ADGRG5: variants seen among roughly 807,000 people sequenced by gnomAD.
The protein encoded by ADGRG5 is G protein-coupled receptor 114.
In ADGRG5, 37 loss-of-function variants were observed where a neutral mutation model predicts 53.2. The observed-to-expected ratio is 0.70, with a 90% CI of 0.53 to 0.91. The LOEUF (loss-of-function observed/expected upper bound fraction) is 0.91. Ranked by LOEUF, ADGRG5 falls within the 40% of genes least tolerant of loss-of-function variation. ADGRG5 has a pLI of 0.00. For missense variants in ADGRG5, 614 were observed against 675.8 expected (o/e 0.91, Z 1.01); for synonymous variants, 277 against 290.4 (o/e 0.95, Z 0.47).
At chr16:57,568,321 G>GTCACCTCCTCCACCATCATTA (rs2033204211) in intron 9 of ADGRG5, among the ~76,000 whole-genome samples, 197 bp downstream of exon 9, 2 of 149,966 alleles carry the variant, frequency 1.3e-5, no homozygotes, top group South Asian at 4.2e-4. Context: ...CATCATCATC[G>GTCACCTCCTCCACCATCATTA]TCACCTCCTC....
chr16:57,529,229 G>A, the ADGRG5 span: 1 of 1,145,094 alleles, frequency 8.7e-7, no homozygotes, highest in Non-Finnish European at 1.1e-6. This position sits in a 1 kb window ranked among gnomAD's most constrained non-coding sequence, Gnocchi z 4.1. Flanking sequence ...CTCAGGGGCG[G>A]CTCCGGGGAC....
At chr16:57,553,756 A>C (rs1219506919) in intron 1 of ADGRG5, among the ~76,000 whole-genome samples, 1 of 152,230 alleles carries the variant, frequency 6.6e-6, no homozygotes, top group Non-Finnish European at 1.5e-5. Context: ...ATCTATATTC[A>C]TGAGGGGTGT....
At chr16:57,570,083 G>T (rs1336086759) in intron 9 of ADGRG5, among the ~76,000 whole-genome samples, 2 of 151,998 alleles carry the variant, frequency 1.3e-5, no homozygotes, top group Non-Finnish European at 2.9e-5. Context: ...ACCATCACTG[G>T]TACCTTCATC....
chr16:57,545,748 G>A (rs2032601333), intron 1 of ADGRG5, among the ~76,000 whole-genome samples: 1 of 152,168 alleles, frequency 6.6e-6, no homozygotes, highest in Admixed American at 6.6e-5. Context: ...ATAGATATTT[G>A]TGCTGGTTCT....
intron 9 of ADGRG5, 117 bp downstream of exon 9, chr16:57,568,241 AGC>A: frequency 9.9e-7 from 1 of 1,011,218 alleles, no homozygotes; most frequent in Non-Finnish European, 1.5e-6. Context: ...CATGACCACC[AGC>A]TGTGAACTCT....
intron 1 of ADGRG5, among the ~76,000 whole-genome samples, chr16:57,560,519 A>T (rs941943366): frequency 6.6e-6 from 1 of 152,194 alleles, no homozygotes; most frequent in Non-Finnish European, 1.5e-5. Flanking sequence ...CTCCTCAGAG[A>T]CTTTTCTCCT....
chr16:57,531,720 C>G, the ADGRG5 span, among the ~76,000 whole-genome samples: 1 of 152,166 alleles, frequency 6.6e-6, no homozygotes, highest in African/African-American at 2.4e-5. Context: ...CTGCCCACCC[C>G]CATGTCCCTC....
chr16:57,563,305 G>A, intron 4 of ADGRG5, 58 bp downstream of exon 4: 1 of 1,475,452 alleles, frequency 6.8e-7, no homozygotes. Context: ...AGTCCTCCAG[G>A]CATTTAAGGT....
the ADGRG5 span, among the ~76,000 whole-genome samples, chr16:57,530,869 C>T: frequency 9.9e-5 from 15 of 151,946 alleles, no homozygotes; most frequent in East Asian, 1.9e-4. Context: ...CTCTGTCACC[C>T]GGCCACCTGT....
rs1053113632 is a variant in ADGRG5 at position 57,567,708 on chromosome 16, C to T, written c.821+117C>T. 1.3e-5 allele frequency: 19 copies of T among 1,436,328 alleles called. No homozygotes were observed. The Admixed American group carries it at 1.7e-4, about 13-fold the overall frequency. The allele number at this position is 1,436,328 out of a possible 1,614,324, so 89.0% of individuals were successfully genotyped here. A position where few individuals can be genotyped will look rare whatever the true frequency, so the allele number is the denominator to read the frequency against. ...TCTCCAGAGGGTGGGGACCAGGAGG[C>T]GGGAGACCAGCCTTGTGGTGCGACT... On this transcript the variant is annotated intron_variant, in intron 8 of 11. Transcript: ENST00000349457.
chr16:57,562,979 T>G (rs2033039265), intron 3 of ADGRG5, 112 bp from the exon 4 acceptor site: 3 of 966,924 alleles, frequency 3.1e-6, no homozygotes, highest in Non-Finnish European at 3.2e-6. Context: ...TGGAGGTGCG[T>G]GTGACAGAGG....
At chr16:57,530,220 TTC>T in the ADGRG5 span, among the ~76,000 whole-genome samples, 11 of 152,160 alleles carry the variant, frequency 7.2e-5, no homozygotes, top group East Asian at 1.9e-3. Context: ...AGCTCTCTTG[TTC>T]TCTGTGTCTC....
intron 4 of ADGRG5, 82 bp from the exon 5 acceptor site, chr16:57,563,766 C>T (rs1159782924): frequency 5.4e-5 from 84 of 1,565,618 alleles, no homozygotes; most frequent in Admixed American, 1.2e-4. Context: ...GAAGGTTTCA[C>T]GGGGAGTGGG....
At chr16:57,562,995 G>T in intron 3 of ADGRG5, 96 bp from the exon 4 acceptor site, 1 of 1,204,152 alleles carries the variant, frequency 8.3e-7, no homozygotes, top group Non-Finnish European at 1.2e-6. Context: ...AGAGGTGTGG[G>T]TGGGGAGGCC....
intron 1 of ADGRG5, among the ~76,000 whole-genome samples, chr16:57,545,449 G>A (rs889036337): frequency 2.0e-5 from 3 of 152,206 alleles, no homozygotes; most frequent in Non-Finnish European, 2.9e-5. Context: ...CCCTTTGGGA[G>A]GCTGAGGTGG....
At chr16:57,536,237 C>T in the ADGRG5 span, among the ~76,000 whole-genome samples, 1 of 151,652 alleles carries the variant, frequency 6.6e-6, no homozygotes, top group Non-Finnish European at 1.5e-5. Flanking sequence ...CGGGCCGCGG[C>T]ATTCCGGAGG....
At chr16:57,536,915 A>G in the ADGRG5 span, among the ~76,000 whole-genome samples, 1 of 152,174 alleles carries the variant, frequency 6.6e-6, no homozygotes, top group East Asian at 1.9e-4. Flanking sequence ...CGCGGGTCCC[A>G]GCTCGGCACG....
rs377607919 is a variant in ADGRG5, at chr16:57,562,900, A to C, written c.141-191A>C. Among the ~76,000 whole-genome samples the C allele has an allele frequency of 1.2e-4, 18 of 152,212 alleles. No individual in the cohort carries two copies. In the South Asian group the frequency reaches 3.7e-3, roughly 32 times the overall value. ...ATAAACTGGGACCTGAACAGGAGTTAATCAAGAGGAGGGGATAGATGGGGT... is the reference window on the plus strand; with the variant it reads ...ATAAACTGGGACCTGAACAGGAGTTCATCAAGAGGAGGGGATAGATGGGGT... On this transcript the variant is annotated intron_variant, in intron 3 of 11. Coordinates refer to ENST00000349457, the MANE Select transcript of ADGRG5 (RefSeq NM_001304376.3).
upstream of ADGRG5, among the ~76,000 whole-genome samples, chr16:57,538,740 A>G (rs1421907842): frequency 1.3e-5 from 2 of 152,182 alleles, no homozygotes; most frequent in African/African-American, 2.4e-5. Flanking sequence ...GCGTGTGTCA[A>G]TATTTCCCAC....
Sources: gnomAD v4.1 joint callset for allele counts (sites outside exome capture counted in the v4.1 genomes callset) on GRCh38, gnomAD v4.1.1 for gene constraint, Gnocchi (gnomAD v3.1) non-coding constraint, MANE v1.5 for transcripts, NCBI Gene and HGNC (gene_info 2026-07-23, HGNC 2026-07-21) for gene names.